The following PGBD5 variants were observed in gnomAD, a reference collection of about 807,000 sequenced individuals.
PGBD5 encodes piggyBac transposable element derived 5.
PGBD5 carries 14 observed loss-of-function variants against 47.9 expected under a neutral mutation model. The ratio of observed to expected loss-of-function variants is 0.29; its 90% CI spans 0.19 to 0.46. The LOEUF (loss-of-function observed/expected upper bound fraction) is 0.46. Among genes scored for constraint, PGBD5 ranks in the 20% least tolerant of loss-of-function variants. PGBD5 has a pLI of 1.00. For synonymous variants in PGBD5, 316 were observed against 306.3 expected (o/e 1.03, Z -0.33); for missense variants, 635 against 716.0 (o/e 0.89, Z 1.29).
At chr1:230,421,339 T>C (rs1315580952) in intron 1 of PGBD5, among the ~76,000 whole-genome samples, 1 of 152,100 alleles carries the variant, frequency 6.6e-6, no homozygotes, top group African/African-American at 2.4e-5. Context: ...AATTCATGTA[T>C]AACCATAAAA....
chr1:230,410,139 C>G lies in PGBD5; in HGVS notation c.331+15459G>C, dbSNP rs1344628044. Among the ~76,000 whole-genome samples the G allele has an allele frequency of 7.2e-5, 11 of 152,268 alleles. No individual in the cohort carries two copies. In the East Asian group the frequency reaches 1.9e-3, roughly 27 times the overall value. On this transcript the variant is annotated intron_variant, in intron 1 of 6. Coordinates refer to ENST00000391860, the MANE Select transcript of PGBD5 (RefSeq NM_001258311.2). ...CAGGGATGGCAAAATTAACAGCAGA[C>G]AAGCTGGACTTGAGCTTAAAGGCAC...
chr1:230,422,800 A>T (rs902894090), intron 1 of PGBD5, among the ~76,000 whole-genome samples: 1 of 152,168 alleles, frequency 6.6e-6, no homozygotes, highest in African/African-American at 2.4e-5. Flanking sequence ...TTCCCACCTT[A>T]ACTACAGAAA....
chr1:230,413,887 A>G (rs1657463032), intron 1 of PGBD5, among the ~76,000 whole-genome samples: 1 of 152,208 alleles, frequency 6.6e-6, no homozygotes, highest in Admixed American at 6.5e-5. Context: ...TGCCTGGTGC[A>G]GAGTAGGCAC....
At position 230,320,588 on chromosome 1, in the gene PGBD5, C is replaced by T. The variant is rs996566639; in HGVS notation, c.*2837G>A. The T allele has an allele frequency of 1.3e-5, 2 of 152,202 alleles. No homozygotes were observed. Among genetic ancestry groups the T allele is most frequent in the African/African-American group, 4.8e-5 (2 of 41,436 alleles). 9.4% of individuals were successfully genotyped at this position (152,202 alleles called of 1,614,324 possible). A position where few individuals can be genotyped will look rare whatever the true frequency, so the allele number is the denominator to read the frequency against. ...GTGGTGCTTGCCAGCCCCATATACT[C>T]AGCCAGGGCCATGCTGGCTCCCTCT... is the stretch of plus-strand genomic sequence containing the variant. On this transcript the variant is annotated 3_prime_UTR_variant, in exon 7 of 7. Coordinates refer to ENST00000391860, the MANE Select transcript of PGBD5 (RefSeq NM_001258311.2).
chr1:230,314,587 T>C lies in PGBD5; in HGVS notation c.*8838A>G, dbSNP rs1288019614. 5.5e-5 allele frequency: 8 copies of C among 144,976 alleles called. No homozygotes were observed. The East Asian group carries it at 1.6e-3, about 29-fold the overall frequency. The allele number at this position is 144,976 out of a possible 1,614,324, so 9.0% of individuals were successfully genotyped here. A position where few individuals can be genotyped will look rare whatever the true frequency, so the allele number is the denominator to read the frequency against. ...CAAAATGCTTGAATTAAATCTTTTT[T>C]TTTTTTTTTTTTTTTTTTGCCACAT... On this transcript the variant is annotated 3_prime_UTR_variant, in exon 7 of 7. Transcript: ENST00000391860.
chr1:230,373,719 T>G (rs1371061801), intron 1 of PGBD5, among the ~76,000 whole-genome samples: 1 of 152,182 alleles, frequency 6.6e-6, no homozygotes, highest in African/African-American at 2.4e-5. Context: ...TTTGATTCAG[T>G]GTCTTGCTGT....
chr1:230,337,048 T>C lies in PGBD5; in HGVS notation c.1075+60A>G, dbSNP rs1667336384. ...GTATCTGCACCCCCACCTGGACCTC[T>C]CCCACCACTTTCCCAGGGGAGGCTG... is the stretch of plus-strand genomic sequence containing the variant. On this transcript the variant is annotated intron_variant, in intron 4 of 6. Coordinates refer to ENST00000391860, the MANE Select transcript of PGBD5 (RefSeq NM_001258311.2). 9 of 1,570,648 alleles carry C rather than the reference T, an allele frequency of 5.7e-6. No homozygotes were observed. In the South Asian group the frequency reaches 1.1e-4, roughly 19 times the overall value.
At chr1:230,411,902 A>T (rs1558215040) in intron 1 of PGBD5, among the ~76,000 whole-genome samples, 1 of 152,224 alleles carries the variant, frequency 6.6e-6, no homozygotes, top group Non-Finnish European at 1.5e-5. Context: ...ATTTAATAAA[A>T]GTTTTTAAAA....
At chr1:230,362,467 C>A in intron 1 of PGBD5, 1 of 1,216,742 alleles carries the variant, frequency 8.2e-7, no homozygotes, top group South Asian at 1.5e-5. Flanking sequence ...AGGCCTGATC[C>A]TCCTGGAAGG....
At chr1:230,336,920 C>T (rs1428126635) in intron 4 of PGBD5, among the ~76,000 whole-genome samples, 188 bp downstream of exon 4, 1 of 152,256 alleles carries the variant, frequency 6.6e-6, no homozygotes, top group African/African-American at 2.4e-5. Flanking sequence ...CTTGCAATCT[C>T]TAGTGCCCAG....
At position 230,425,667 on chromosome 1, in the gene PGBD5, C is replaced by T. The variant is rs1479013117; in HGVS notation, c.262G>A (p.Asp88Asn). ...RAPDAQEPEE[D>N]EAGAGWSAAL... ...GCGCTCCAGCCCGCGCCGGCCTCGT[C>T]CTCCTCCGGCTCCTGTGCGTCCGGG... is the stretch of plus-strand genomic sequence containing the variant. The change falls in exon 1 of 7, where the codon GAC becomes AAC. Residue 88 changes from aspartate to asparagine, a missense_variant. Transcript: ENST00000391860. The surrounding 1 kb of genome is among the most constrained non-coding windows in gnomAD (Gnocchi z 4.7). 4.9e-6 allele frequency: 6 copies of T among 1,219,124 alleles called. No homozygotes were observed. The highest frequency in any genetic ancestry group is 5.1e-6 in the Non-Finnish European group (5 of 979,932). 75.5% of individuals were successfully genotyped at this position (1,219,124 alleles called of 1,614,324 possible).
Position 230,357,056 on chromosome 1 carries a change from G to T in PGBD5, c.597C>A (p.Leu199=), listed in dbSNP as rs763962591. 1 of 1,614,188 alleles carries T rather than the reference G, an allele frequency of 6.2e-7. No homozygotes were observed. ...WSGGFYSNRS[L]ALVMSQARFE... is the part of the protein sequence containing the mutation. The stretch of plus-strand genomic sequence containing the variant: ...AGCGGGCCTGGCTCATGACGAGGGC[G>T]AGGCTGCGGTTGCTGTAGAAGCCTC... Residue 199 remains leucine (L), a synonymous_variant, in exon 2 of 7, where the codon CTC becomes CTA. Transcript: ENST00000391860. This position sits in a 1 kb window ranked among gnomAD's most constrained non-coding sequence, Gnocchi z 5.7.
At chr1:230,340,106 TTTTA>T (rs1178186318) in intron 3 of PGBD5, among the ~76,000 whole-genome samples, 20 of 152,248 alleles carry the variant, frequency 1.3e-4, no homozygotes, top group Admixed American at 9.8e-4. Context: ...AATATACTAT[TTTTA>T]TTTGTCAATT....
intron 5 of PGBD5, among the ~76,000 whole-genome samples, chr1:230,326,185 A>C (rs1667114530): frequency 6.6e-6 from 1 of 152,234 alleles, no homozygotes; most frequent in Non-Finnish European, 1.5e-5. Context: ...TGGGAGGCCA[A>C]GGCGGGGGGA....
intron 1 of PGBD5, among the ~76,000 whole-genome samples, chr1:230,423,192 A>C (rs1657698580): frequency 6.6e-6 from 1 of 152,132 alleles, no homozygotes; most frequent in Non-Finnish European, 1.5e-5. Flanking sequence ...TCAAATCTCG[A>C]TTCTGTGCTT....
At chr1:230,379,666 C>CAGCTCA (rs1668063016) in intron 1 of PGBD5, among the ~76,000 whole-genome samples, 1 of 152,224 alleles carries the variant, frequency 6.6e-6, no homozygotes, top group Non-Finnish European at 1.5e-5. Context: ...CTTCAATACC[C>CAGCTCA]AGCTCAACTA....
Position 230,367,423 on chromosome 1 carries a change from C to T in PGBD5, c.332-10102G>A, listed in dbSNP as rs180805752. 7.2e-5 allele frequency among the ~76,000 whole-genome samples: 11 copies of T among 152,278 alleles called. No individual in the cohort carries two copies. In the East Asian group the frequency reaches 1.2e-3, roughly 16 times the overall value. On this transcript the variant is annotated intron_variant, in intron 1 of 6. Transcript: ENST00000391860. ...TCTGAGTGATAAAAAGGATGCTGGC[C>T]GGGCACAGTGGCTCTTGCCTGTAAT...
At chr1:230,403,753 C>A (rs1173031989) in intron 1 of PGBD5, among the ~76,000 whole-genome samples, 2 of 152,206 alleles carry the variant, frequency 1.3e-5, no homozygotes, top group Non-Finnish European at 2.9e-5. Context: ...GGCCCACTAA[C>A]CCCATCAGTG....
At chr1:230,399,939 G>A (rs1051691840) in intron 1 of PGBD5, among the ~76,000 whole-genome samples, 1 of 152,160 alleles carries the variant, frequency 6.6e-6, no homozygotes, top group African/African-American at 2.4e-5. Context: ...CAGATCCCAC[G>A]CTTGTCCTCT....
Sources: allele counts gnomAD v4.1 joint callset (sites outside exome capture counted in the v4.1 genomes callset), GRCh38; gene constraint gnomAD v4.1.1; non-coding constraint Gnocchi (gnomAD v3.1); transcripts MANE v1.5; gene names NCBI Gene and HGNC (gene_info 2026-07-23, HGNC 2026-07-21).